Variants in ASAH1 observed in about 807,000 individuals in gnomAD.
The protein encoded by ASAH1 is acid ceramidase.
A neutral mutation model predicts 59.5 loss-of-function variants in ASAH1; 70 were observed. The ratio of observed to expected loss-of-function variants is 1.18; its 90% CI spans 0.97 to 1.43. The LOEUF is 1.43. Ranked by LOEUF, ASAH1 falls within the 40% of genes most tolerant of loss-of-function variation. ASAH1 has a pLI of 0.00. For missense variants in ASAH1, 660 were observed against 482.5 expected (o/e 1.37, Z -3.45); for synonymous variants, 213 against 166.5 (o/e 1.28, Z -2.15).
At chr8:18,070,197 C>T (rs1455505669) in intron 3 of ASAH1, among the ~76,000 whole-genome samples, 5 of 151,186 alleles carry the variant, frequency 3.3e-5, no homozygotes, top group South Asian at 2.1e-4. Context: ...TCGCCCAGGC[C>T]GGAGTGCAAT....
At chr8:18,083,893 TTG>T (rs1800771105) in intron 1 of ASAH1, 86 bp downstream of exon 1, 1 of 1,538,126 alleles carries the variant, frequency 6.5e-7, no homozygotes, top group East Asian at 2.4e-5. Flanking sequence ...GAGGTGTTCC[TTG>T]TACCCGCTCG....
intron 1 of ASAH1, among the ~76,000 whole-genome samples, chr8:18,083,676 G>A (rs1035027891): frequency 2.0e-5 from 3 of 152,236 alleles, no homozygotes; most frequent in Non-Finnish European, 4.4e-5. Flanking sequence ...AAATGCAAGG[G>A]CCTGGAACTG....
chr8:18,059,873 A>C (rs1799621485), intron 10 of ASAH1, 170 bp from the exon 11 acceptor site: 3 of 629,660 alleles, frequency 4.8e-6, no homozygotes, highest in Non-Finnish European at 7.9e-6. Flanking sequence ...TCAACCCATC[A>C]TCTAAGTTTC....
At chr8:18,070,581 C>A in intron 3 of ASAH1, among the ~76,000 whole-genome samples, 1 of 152,202 alleles carries the variant, frequency 6.6e-6, no homozygotes, top group South Asian at 2.1e-4. Flanking sequence ...AGCCACCGTG[C>A]CTGGCCTCGA....
chr8:18,073,324 T>C (rs966452084), intron 2 of ASAH1: 4 of 1,511,116 alleles, frequency 2.6e-6, no homozygotes, highest in Non-Finnish European at 3.6e-6. Flanking sequence ...AGCATTGGTA[T>C]TCAATCAACA....
chr8:18,071,248 T>G, intron 3 of ASAH1, 52 bp downstream of exon 3: 1 of 938,038 alleles, frequency 1.1e-6, no homozygotes, highest in South Asian at 2.9e-5. Flanking sequence ...AATAAAGAAA[T>G]AAAATAAAAA....
At chr8:18,070,055 A>C (rs1403398172) in intron 3 of ASAH1, among the ~76,000 whole-genome samples, 177 bp from the exon 4 acceptor site, 1 of 152,172 alleles carries the variant, frequency 6.6e-6, no homozygotes, top group Non-Finnish European at 1.5e-5. Flanking sequence ...ATCTCGGCTC[A>C]CTGCAATCTC....
intron 4 of ASAH1, among the ~76,000 whole-genome samples, chr8:18,069,008 G>A (rs1356525975): frequency 1.3e-5 from 2 of 152,010 alleles, no homozygotes; most frequent in Non-Finnish European, 2.9e-5. Flanking sequence ...GGGTGTGGCG[G>A]CACGTGACTG....
At position 18,067,315 on chromosome 8, in the gene ASAH1, T is replaced by C. The variant is rs1413416660; in HGVS notation, c.304-17A>G. ...TAGGCCAGGCTGGAAAACAAATATA[T>C]TAATAAAAGCATTTAACATAATAAC... On this transcript the variant is annotated splice_polypyrimidine_tract_variant and intron_variant, in intron 4 of 13. Transcript: ENST00000637790. 3.9e-6 allele frequency: 6 copies of C among 1,528,746 alleles called. No homozygotes were observed. The highest frequency in any genetic ancestry group is 5.3e-6 in the Non-Finnish European group (6 of 1,123,074). 94.7% of individuals were successfully genotyped at this position (1,528,746 alleles called of 1,614,324 possible).
At chr8:18,066,397 C>A in intron 5 of ASAH1, 2 of 144,498 alleles carry the variant, frequency 1.4e-5, no homozygotes, top group African/African-American at 2.6e-5. Context: ...TTCACAAGCC[C>A]TTCTCCAAAA....
intron 7 of ASAH1, 128 bp from the exon 8 acceptor site, chr8:18,062,551 C>T: frequency 9.6e-7 from 1 of 1,045,630 alleles, no homozygotes; most frequent in East Asian, 2.4e-5. Context: ...CTAACAAGAC[C>T]TTTACAATAT....
At chr8:18,067,601 A>T (rs1799987329) in intron 4 of ASAH1, 1 of 163,908 alleles carries the variant, frequency 6.1e-6, no homozygotes, top group Non-Finnish European at 1.3e-5. Context: ...GAACGAGAGT[A>T]ATTCCACTTG....
chr8:18,077,159 T>G (rs1468861545), intron 1 of ASAH1, among the ~76,000 whole-genome samples: 1 of 152,210 alleles, frequency 6.6e-6, no homozygotes, highest in Non-Finnish European at 1.5e-5. Context: ...TTTCTGATAA[T>G]TCACAGAAAT....
chr8:18,070,049 C>T (rs568697495), intron 3 of ASAH1, among the ~76,000 whole-genome samples, 171 bp from the exon 4 acceptor site: 4 of 152,296 alleles, frequency 2.6e-5, no homozygotes, highest in South Asian at 2.1e-4. Flanking sequence ...AGCACCATCT[C>T]GGCTCACTGC....
At position 18,057,636 on chromosome 8, in the gene ASAH1, T is replaced by C. The variant is rs905502103; in HGVS notation, c.1099-13A>G. ...TGTATACGGTCAGCTGAAAGAAAAG[T>C]TATTTTTACTTTAAGGACGTTTTCA... On this transcript the variant is annotated splice_polypyrimidine_tract_variant and intron_variant, in intron 13 of 13. Coordinates refer to ENST00000637790, the MANE Select transcript of ASAH1 (RefSeq NM_177924.5). The C allele has an allele frequency of 6.4e-7, 1 of 1,574,794 alleles. No individual in the cohort carries two copies. Among genetic ancestry groups the C allele is most frequent in the Non-Finnish European group, 8.7e-7 (1 of 1,151,880 alleles).
At position 18,067,319 on chromosome 8, in the gene ASAH1, T is replaced by A. The variant is rs769322142; in HGVS notation, c.304-21A>T. On this transcript the variant is annotated intron_variant, in intron 4 of 13. Coordinates refer to ENST00000637790, the MANE Select transcript of ASAH1 (RefSeq NM_177924.5). ...CCAGGCTGGAAAACAAATATATTAA[T>A]AAAAGCATTTAACATAATAACAATA... is the stretch of plus-strand genomic sequence containing the variant. 3 of 1,470,334 alleles carry A rather than the reference T, an allele frequency of 2.0e-6. No individual in the cohort carries two copies. The South Asian group carries it at 4.1e-5, about 20-fold the overall frequency. 91.1% of individuals were successfully genotyped at this position (1,470,334 alleles called of 1,614,324 possible).
intron 4 of ASAH1, chr8:18,067,591 G>C (rs1721458307): frequency 6.1e-6 from 1 of 165,112 alleles, no homozygotes; most frequent in South Asian, 1.9e-4. Flanking sequence ...GAGAAGGCAG[G>C]AACGAGAGTA....
chr8:18,083,180 T>C (rs532086131), intron 1 of ASAH1: 18 of 152,236 alleles, frequency 1.2e-4, no homozygotes, highest in Non-Finnish European at 2.4e-4. Context: ...GGTTCCTACT[T>C]ATCCGATTCT....
At chr8:18,068,861 C>T (rs1275068746) in intron 4 of ASAH1, among the ~76,000 whole-genome samples, 1 of 152,180 alleles carries the variant, frequency 6.6e-6, no homozygotes, top group Non-Finnish European at 1.5e-5. Flanking sequence ...CATGGCGGTT[C>T]ACACCTACGA....
Sources: gnomAD v4.1 joint callset for allele counts (sites outside exome capture counted in the v4.1 genomes callset) on GRCh38, gnomAD v4.1.1 for gene constraint, MANE v1.5 for transcripts, NCBI Gene and HGNC (gene_info 2026-07-23, HGNC 2026-07-21) for gene names.